The following MUC4 variants were observed in gnomAD, a reference collection of about 807,000 sequenced individuals.
The protein encoded by MUC4 is mucin-4.
In MUC4, 202 loss-of-function variants were observed where a neutral mutation model predicts 257.9. That is an observed-to-expected ratio of 0.78 (90% confidence interval 0.70 to 0.88). The LOEUF is 0.88. Ranked by LOEUF, MUC4 falls within the 40% of genes least tolerant of loss-of-function variation. The pLI is 0.00. For synonymous variants in MUC4, 2,351 were observed against 2,757.1 expected (o/e 0.85, Z 4.62); for missense variants, 5,976 against 6,513.7 (o/e 0.92, Z 2.84).
rs1719880822 is a variant in MUC4, at chr3:195,764,151, C to T, written c.13938G>A (p.Glu4646=). 1 of 1,571,988 alleles carries T rather than the reference C, an allele frequency of 6.4e-7. No homozygotes were observed. The highest frequency in any genetic ancestry group is 8.6e-7 in the Non-Finnish European group (1 of 1,158,950). ...QRPWQLAQEL[E]PQSWCCRWND... ...TCCAGCGGCAGCACCAGCTCTGTGG[C>T]TCCAGTTCCTGGGCTGCGGAGAACA... Residue 4646 remains glutamate (E), a synonymous_variant, in exon 11 of 25, where the codon GAG becomes GAA. Coordinates refer to ENST00000463781, the MANE Select transcript of MUC4 (RefSeq NM_018406.7).
chr3:195,749,362 G>C (rs1183951783), intron 23 of MUC4, among the ~76,000 whole-genome samples: 1 of 152,208 alleles, frequency 6.6e-6, no homozygotes, highest in African/African-American at 2.4e-5. Flanking sequence ...AGGTTCCTAT[G>C]GAAAATGCTT....
At chr3:195,768,928 G>A (rs557328146) in intron 7 of MUC4, 94 bp downstream of exon 7, 22 of 1,475,986 alleles carry the variant, frequency 1.5e-5, no homozygotes, top group South Asian at 1.1e-4. Flanking sequence ...GAGGGTTCCC[G>A]CCTTGCCCCA....
At chr3:195,767,448 C>CACCAACACT (rs1720810384) in intron 7 of MUC4, among the ~76,000 whole-genome samples, 9 of 148,588 alleles carry the variant, frequency 6.1e-5, no homozygotes, top group African/African-American at 2.0e-4. Flanking sequence ...CCATCACCAC[C>CACCAACACT]ACCACCACCA....
intron 4 of MUC4, among the ~76,000 whole-genome samples, chr3:195,773,072 CCTCT>C (rs1380771928): frequency 1.4e-5 from 2 of 139,070 alleles, no homozygotes; most frequent in Admixed American, 7.2e-5. Context: ...GTGTGGACAC[CCTCT>C]CTATCGTTCG....
Position 195,755,882 on chromosome 3 carries a change from C to CGT in MUC4, c.15168+1263_15168+1264dup, listed in dbSNP as rs1717556989. ...GTGTGTCTGTGTGTGCGTGTGCATGCGTGTGTGTGTAAGTGGTGAAGGAGG... is the reference window on the plus strand; with the variant it reads ...GTGTGTCTGTGTGTGCGTGTGCATGCGTGTGTGTGTGTAAGTGGTGAAGGAGG... On this transcript the variant is annotated intron_variant, in intron 18 of 24. Transcript: ENST00000463781. This position sits in a 1 kb window ranked among gnomAD's most constrained non-coding sequence, Gnocchi z 5.0. 6.6e-6 allele frequency among the ~76,000 whole-genome samples: 1 copy of CGT among 151,804 alleles called. No homozygotes were observed. The highest frequency in any genetic ancestry group is 1.5e-5 in the Non-Finnish European group (1 of 67,958).
chr3:195,794,604 C>T (rs1205794259), intron 1 of MUC4, among the ~76,000 whole-genome samples: 1 of 152,098 alleles, frequency 6.6e-6, no homozygotes, highest in African/African-American at 2.4e-5. Flanking sequence ...TCAAGCGATC[C>T]TCCTGCTTCA....
At chr3:195,762,812 G>C in intron 13 of MUC4, 43 bp downstream of exon 13, 1 of 1,483,110 alleles carries the variant, frequency 6.7e-7, no homozygotes, top group East Asian at 2.5e-5. Flanking sequence ...CCACCTCGCT[G>C]CTCCCGGTGC....
rs768953963 is a variant in MUC4, at chr3:195,774,171, C to T, written c.13077+1G>A. Reference sequence around the variant, plus strand: ...CTGCGCGGGCCGCAGCCCGGACTCACGTAGAGGGAATCACGGAGAGAGGAG... The same window carrying T: ...CTGCGCGGGCCGCAGCCCGGACTCATGTAGAGGGAATCACGGAGAGAGGAG... On this transcript the variant is annotated splice_donor_variant, in intron 4 of 24. Transcript: ENST00000463781. LOFTEE classifies it high-confidence loss of function. 6.2e-6 allele frequency: 10 copies of T among 1,605,914 alleles called. No homozygotes were observed. Among genetic ancestry groups the T allele is most frequent in the Middle Eastern group, 1.7e-4 (1 of 5,798 alleles).
chr3:195,756,868 G>A (rs1035250859), intron 18 of MUC4, among the ~76,000 whole-genome samples: 12 of 152,022 alleles, frequency 7.9e-5, no homozygotes, highest in African/African-American at 2.9e-4. Flanking sequence ...TCACCATGTT[G>A]GTCAGGATGG....
chr3:195,753,460 T>TCAGAC (rs1560222865), intron 19 of MUC4: 3 of 541,420 alleles, frequency 5.5e-6, no homozygotes, highest in East Asian at 6.8e-5. Context: ...GGAGTGTTTC[T>TCAGAC]CAGACCCTCT....
In MUC4 at chr3:195,779,824, G is replaced by A. The variant is rs754281270; in HGVS notation, c.11756C>T (p.Thr3919Ile). 1 of 1,004,634 alleles carries A rather than the reference G, an allele frequency of 1.0e-6. No homozygotes were observed. The highest frequency in any genetic ancestry group is 1.3e-6 in the Non-Finnish European group (1 of 759,332). The allele number at this position is 1,004,634 out of a possible 1,614,324, so 62.2% of individuals were successfully genotyped here. Residue 3919 changes from threonine to isoleucine, a missense_variant, in exon 2 of 25, where the codon ACC (threonine) becomes ATC (isoleucine). By Grantham distance (89) the Thr-to-Ile change is moderately conservative (BLOSUM62 -1). Coordinates refer to ENST00000463781, the MANE Select transcript of MUC4 (RefSeq NM_018406.7). Reference sequence around the variant, plus strand: ...GGAAACGTCGGTGACAGGAAGACGGGTGGTGTCATCTGTGGAAGCTGAGGA... The same window carrying A: ...GGAAACGTCGGTGACAGGAAGACGGATGGTGTCATCTGTGGAAGCTGAGGA... ...DTSSASTDDTTRLPVTDVSSA... is the reference protein window; with the variant it reads ...DTSSASTDDTIRLPVTDVSSA...
chr3:195,778,748 G>A (rs1187397434), intron 2 of MUC4, 42 bp downstream of exon 2: 2 of 1,554,828 alleles, frequency 1.3e-6, no homozygotes, highest in East Asian at 2.3e-5. Context: ...TTCCGCCAAG[G>A]GGCCCACTGG....
chr3:195,778,281 G>C, intron 3 of MUC4, 22 bp downstream of exon 3: 1 of 1,595,988 alleles, frequency 6.3e-7, no homozygotes, highest in African/African-American at 1.3e-5. Context: ...AAAAGGCACA[G>C]GCCTCACCTG....
chr3:195,769,344 C>T lies in MUC4; in HGVS notation c.13399-192G>A, dbSNP rs1055848544. ...GTGAGGGCAGCTTTCACCCTGGGTG[C>T]GAACGCACTTACCACGGTGGATTTG... On this transcript the variant is annotated intron_variant, in intron 6 of 24. Coordinates refer to ENST00000463781, the MANE Select transcript of MUC4 (RefSeq NM_018406.7). 5.7e-5 allele frequency: 40 copies of T among 704,444 alleles called. No individual in the cohort carries two copies. The African/African-American group carries it at 5.7e-4, about 10-fold the overall frequency. 43.6% of individuals were successfully genotyped at this position (704,444 alleles called of 1,614,324 possible).
intron 5 of MUC4, chr3:195,770,597 C>G (rs938465824): frequency 5.1e-6 from 3 of 585,046 alleles, no homozygotes; most frequent in Non-Finnish European, 6.1e-6. Flanking sequence ...GTGGCCCAGA[C>G]GTCCAAGACC....
At chr3:195,767,363 CCACCACCACCACCATCGCCAGCACT>C (rs1309961825) in intron 7 of MUC4, among the ~76,000 whole-genome samples, 4 of 151,676 alleles carry the variant, frequency 2.6e-5, no homozygotes, top group East Asian at 1.9e-4. Flanking sequence ...ACTGCTGCTA[CCACCACCACCACCATCGCCAGCACT>C]ACCACCACCA....
At chr3:195,756,239 G>A (rs1717621976) in intron 18 of MUC4, among the ~76,000 whole-genome samples, 1 of 152,204 alleles carries the variant, frequency 6.6e-6, no homozygotes. Context: ...GGTGTCCTGT[G>A]TCTGAGCAAG....
Position 195,790,291 on chromosome 3 carries a change from C to A in MUC4, c.1289G>T (p.Trp430Leu). The A allele has an allele frequency of 6.2e-7, 1 of 1,613,928 alleles. No individual in the cohort carries two copies. Among genetic ancestry groups the A allele is most frequent in the Non-Finnish European group, 8.5e-7 (1 of 1,179,856 alleles). ...AITSKVSTIWWSDTLSTALSP... is the reference protein window; with the variant it reads ...AITSKVSTIWLSDTLSTALSP... ...GAGTGCTGTTGACAGAGTGTCTGAC[C>A]ACCATATGGTTGAAACTTTGGAAGT... Residue 430 changes from tryptophan (W) to leucine (L), a missense_variant, in exon 2 of 25, where the codon TGG becomes TTG. By Grantham distance (61) the Trp-to-Leu change is moderately conservative (BLOSUM62 -2). Transcript: ENST00000463781.
At chr3:195,793,501 C>CAA (rs63134260) in intron 1 of MUC4, among the ~76,000 whole-genome samples, 11 of 132,268 alleles carry the variant, frequency 8.3e-5, no homozygotes, top group African/African-American at 2.4e-4. Flanking sequence ...GATTCTGTCT[C>CAA]AAAAAAAAAA....
Sources: gnomAD v4.1 joint callset for allele counts (sites outside exome capture counted in the v4.1 genomes callset) on GRCh38, gnomAD v4.1.1 for gene constraint, Gnocchi (gnomAD v3.1) non-coding constraint, MANE v1.5 for transcripts, NCBI Gene and HGNC (gene_info 2026-07-23, HGNC 2026-07-21) for gene names.